The following IMMT variants were observed in gnomAD, a reference collection of about 807,000 sequenced individuals.
IMMT encodes the protein inner membrane mitochondrial protein, also known as MICOS complex subunit MIC60.
IMMT carries 40 observed loss-of-function variants against 92.7 expected under a neutral mutation model. The observed-to-expected ratio is 0.43, with a 90% CI of 0.34 to 0.56. IMMT has a LOEUF of 0.56. Ranked by LOEUF, IMMT falls within the 20% of genes least tolerant of loss-of-function variation. The pLI is 0.03. For missense variants in IMMT, 831 were observed against 912.1 expected (o/e 0.91, Z 1.14); for synonymous variants, 322 against 336.1 (o/e 0.96, Z 0.46).
At chr2:86,145,055 C>T (rs941616770) in intron 14 of IMMT, among the ~76,000 whole-genome samples, 174 bp from the exon 15 acceptor site, 4 of 120,254 alleles carry the variant, frequency 3.3e-5, no homozygotes, top group Admixed American at 8.2e-5. Flanking sequence ...CCTAGCTGGC[C>T]TCTTCATATC....
chr2:86,166,036 C>T (rs1676649379), intron 7 of IMMT, among the ~76,000 whole-genome samples: 1 of 152,152 alleles, frequency 6.6e-6, no homozygotes, highest in Admixed American at 6.6e-5. Context: ...GTTTTTTAAA[C>T]ATAATTACTC....
Position 86,154,918 on chromosome 2 carries a change from A to G in IMMT, c.1163-1344T>C, listed in dbSNP as rs547574119. On this transcript the variant is annotated intron_variant, in intron 10 of 14. Coordinates refer to ENST00000410111, the MANE Select transcript of IMMT (RefSeq NM_006839.3). The stretch of plus-strand genomic sequence containing the variant: ...TCTCCCGTTGCCCAGGCTGGAGTGT[A>G]GCAGCACGATCTCGGCTCACTGTAA... Among the ~76,000 whole-genome samples the G allele has an allele frequency of 3.9e-5, 6 of 151,998 alleles. No individual in the cohort carries two copies. The South Asian group carries it at 1.2e-3, about 32-fold the overall frequency.
intron 3 of IMMT, 110 bp downstream of exon 3, chr2:86,179,323 C>T: frequency 8.9e-6 from 8 of 898,016 alleles, no homozygotes; most frequent in Non-Finnish European, 1.3e-5. Flanking sequence ...ACAGGAGGTC[C>T]TGAACCTCTC....
intron 10 of IMMT, among the ~76,000 whole-genome samples, chr2:86,154,167 TA>T (rs1675684495): frequency 3.8e-5 from 5 of 132,696 alleles, no homozygotes; most frequent in Admixed American, 3.2e-4. Flanking sequence ...CCCAGCAACC[TA>T]AACATTTCTT....
intron 11 of IMMT, among the ~76,000 whole-genome samples, chr2:86,153,075 A>T (rs1440645644): frequency 6.6e-6 from 1 of 152,164 alleles, no homozygotes; most frequent in African/African-American, 2.4e-5. Flanking sequence ...TTTAGGTGTG[A>T]TAATAGTATG....
chr2:86,181,327 G>C lies in IMMT; in HGVS notation c.91C>G (p.Arg31Gly), dbSNP rs201861204. 3.1e-6 allele frequency: 5 copies of C among 1,613,588 alleles called. No homozygotes were observed. The highest frequency in any genetic ancestry group is 1.3e-5 in the African/African-American group (1 of 74,958). Residue 31 changes from arginine (R) to glycine (G), a missense_variant, in exon 2 of 15, where the codon CGC becomes GGC. Transcript: ENST00000410111. ...KFVLRPLRPC[R>G]RYSTSGSSGL... is the part of the protein sequence containing the mutation. ...GAGCTGCCTGAAGTAGAGTATCTGC[G>C]GCATGGTCGCAATGGACGGAGGACA...
At chr2:86,168,922 G>T (rs1573916682) in intron 6 of IMMT, among the ~76,000 whole-genome samples, 1 of 152,306 alleles carries the variant, frequency 6.6e-6, no homozygotes, top group Non-Finnish European at 1.5e-5. Flanking sequence ...AGTGAACAGT[G>T]GACATCAAGT....
intron 12 of IMMT, 76 bp downstream of exon 12, chr2:86,151,221 C>G: frequency 7.9e-7 from 1 of 1,265,510 alleles, no homozygotes; most frequent in South Asian, 1.3e-5. Flanking sequence ...CCCGGCTGAG[C>G]CAGTATTATT....
intron 12 of IMMT, among the ~76,000 whole-genome samples, chr2:86,148,474 T>C (rs1474360442): frequency 6.6e-6 from 1 of 151,094 alleles, no homozygotes; most frequent in Non-Finnish European, 1.5e-5. Flanking sequence ...TAGCCGGGTG[T>C]GGTGGCGGGT....
intron 7 of IMMT, among the ~76,000 whole-genome samples, chr2:86,163,959 C>CAAAAAAAAAAAAAAAAAAAAAAA (rs70953998): frequency 4.4e-5 from 4 of 91,944 alleles, no homozygotes; most frequent in Non-Finnish European, 4.6e-5. Flanking sequence ...ACTCCATCTC[C>CAAAAAAAAAAAAAAAAAAAAAAA]AAAAAAAAAG....
chr2:86,171,105 A>G, intron 5 of IMMT, 103 bp downstream of exon 5: 1 of 1,038,146 alleles, frequency 9.6e-7, no homozygotes, highest in African/African-American at 1.6e-5. Flanking sequence ...GAAGACCTAA[A>G]CCTAGTGTAA....
intron 2 of IMMT, among the ~76,000 whole-genome samples, 192 bp downstream of exon 2, chr2:86,181,107 G>T (rs554589938): frequency 2.6e-5 from 4 of 152,174 alleles, no homozygotes; most frequent in Admixed American, 2.6e-4. Context: ...GAGCCAAAAG[G>T]TGCATTATTA....
At chr2:86,179,364 T>G in intron 3 of IMMT, 69 bp downstream of exon 3, 1 of 1,304,710 alleles carries the variant, frequency 7.7e-7, no homozygotes, top group Non-Finnish European at 1.0e-6. Flanking sequence ...AACTGTATTT[T>G]CAACATGAAA....
At chr2:86,154,813 CA>C (rs1307964723) in intron 10 of IMMT, among the ~76,000 whole-genome samples, 1 of 152,158 alleles carries the variant, frequency 6.6e-6, no homozygotes, top group African/African-American at 2.4e-5. Context: ...AAGGGGAATG[CA>C]GCCAGTCGCA....
intron 1 of IMMT, among the ~76,000 whole-genome samples, chr2:86,194,744 T>C (rs935444004): frequency 6.6e-5 from 10 of 152,194 alleles, no homozygotes; most frequent in African/African-American, 2.2e-4. Flanking sequence ...CACAAGGTCA[T>C]GACTCCTGTC....
intron 2 of IMMT, among the ~76,000 whole-genome samples, chr2:86,180,277 T>C (rs1455267889): frequency 3.9e-5 from 6 of 152,068 alleles, no homozygotes; most frequent in Non-Finnish European, 4.4e-5. Flanking sequence ...TTTTTTATTT[T>C]TTCTTGAGAC....
At chr2:86,149,468 T>C (rs185344703) in intron 12 of IMMT, among the ~76,000 whole-genome samples, 1 of 152,204 alleles carries the variant, frequency 6.6e-6, no homozygotes, top group Admixed American at 6.5e-5. Context: ...TAGTGTCTGA[T>C]TCGACTATGT....
intron 1 of IMMT, among the ~76,000 whole-genome samples, chr2:86,193,415 A>G (rs1035317584): frequency 2.0e-5 from 3 of 151,628 alleles, no homozygotes; most frequent in African/African-American, 7.3e-5. Flanking sequence ...TCCAAAAAAA[A>G]AAAAAGAAAG....
intron 6 of IMMT, among the ~76,000 whole-genome samples, chr2:86,170,358 G>A (rs376157525): frequency 6.6e-6 from 1 of 152,188 alleles, no homozygotes; most frequent in Non-Finnish European, 1.5e-5. Flanking sequence ...GGTTGAGGCT[G>A]CAGTGAGCCA....
Sources: gnomAD v4.1 joint callset for allele counts (sites outside exome capture counted in the v4.1 genomes callset) on GRCh38, gnomAD v4.1.1 for gene constraint, MANE v1.5 for transcripts, NCBI Gene and HGNC (gene_info 2026-07-23, HGNC 2026-07-21) for gene names.